The following OR51E1 variants were observed in gnomAD, a reference collection of about 807,000 sequenced individuals.
The protein encoded by OR51E1 is olfactory receptor family 51 subfamily E member 1, also known as olfactory receptor 51E1.
In OR51E1, 9 loss-of-function variants were observed where a neutral mutation model predicts 11.5. The observed-to-expected ratio is 0.78, with a 90% confidence interval of 0.47 to 1.37. The LOEUF is 1.37. OR51E1 is among the 40% of genes most tolerant of loss of function. The pLI is 0.00. For missense variants in OR51E1, 397 were observed against 410.2 expected (o/e 0.97, Z 0.28); for synonymous variants, 168 against 158.3 (o/e 1.06, Z -0.46).
At chr11:4,652,301 A>G (rs1823385659) in intron 1 of OR51E1, among the ~76,000 whole-genome samples, 187 bp from the exon 2 acceptor site, 1 of 152,190 alleles carries the variant, frequency 6.6e-6, no homozygotes, top group Admixed American at 6.5e-5. Context: ...AGTAAGTAGG[A>G]CTGGATGAAT....
At position 4,653,183 on chromosome 11, in the gene OR51E1, C is replaced by G; in HGVS notation, c.657C>G (p.Phe219Leu). 1.2e-6 allele frequency: 2 copies of G among 1,614,126 alleles called. No homozygotes were observed. Among genetic ancestry groups the G allele is most frequent in the Non-Finnish European group, 1.7e-6 (2 of 1,180,002 alleles). Residue 219 changes from phenylalanine (F) to leucine (L), a missense_variant, in exon 2 of 2, where the codon TTC (phenylalanine) becomes TTG (leucine). Transcript: ENST00000396952. The part of the protein sequence containing the change: ...AIGLDSLLIS[F>L]SYLLILKTVL... The stretch of plus-strand genomic sequence containing the variant: ...GCCTGGACTCACTTCTCATCTCCTT[C>G]TCATATCTGCTTATTCTTAAGACTG...
Position 4,652,557 on chromosome 11 carries a change from A to G in OR51E1, c.31A>G (p.Ser11Gly). 6.2e-7 allele frequency: 1 copy of G among 1,613,818 alleles called. No homozygotes were observed. Among genetic ancestry groups the G allele is most frequent in the East Asian group, 2.2e-5 (1 of 44,878 alleles). ...GGTGGATCCCAATGGCAATGAATCC[A>G]GTGCTACATACTTCATCCTAATAGG... MMVDPNGNES[S>G]ATYFILIGLP... is the part of the protein sequence containing the mutation. Residue 11 changes from serine (S) to glycine (G), a missense_variant, in exon 2 of 2, where the codon AGT becomes GGT. Physicochemically the swap from Ser to Gly is moderately conservative, Grantham distance 56. Transcript: ENST00000396952.
intron 1 of OR51E1, among the ~76,000 whole-genome samples, chr11:4,650,594 T>G (rs1441110798): frequency 6.6e-6 from 1 of 152,168 alleles, no homozygotes; most frequent in Non-Finnish European, 1.5e-5. Flanking sequence ...GGTGACCGCT[T>G]GATGCTGGTA....
intron 1 of OR51E1, among the ~76,000 whole-genome samples, chr11:4,650,083 G>C (rs1450702826): frequency 6.6e-6 from 1 of 152,182 alleles, no homozygotes; most frequent in Non-Finnish European, 1.5e-5. Flanking sequence ...GTAGTTGAAA[G>C]ACAATTAGGT....
intron 1 of OR51E1, among the ~76,000 whole-genome samples, chr11:4,648,995 T>C (rs929120836): frequency 9.9e-5 from 15 of 152,214 alleles, no homozygotes; most frequent in African/African-American, 3.6e-4. Context: ...CAAAAGTCTC[T>C]CTAGTACAGA....
chr11:4,644,085 G>T (rs1262931409), intron 1 of OR51E1, 55 bp downstream of exon 1: 2 of 152,836 alleles, frequency 1.3e-5, no homozygotes, highest in Non-Finnish European at 1.5e-5. Context: ...TGCAGCTAGG[G>T]GTCTCCTGTT....
rs1243603551 is a variant in OR51E1, at chr11:4,653,358, T to A, written c.832T>A (p.Leu278Met). ...GCGTGACTCTCCGCTGCCCGTCATC[T>A]TGGCCAATATCTATCTGCTGGTTCC... is the stretch of plus-strand genomic sequence containing the variant. ...KRRDSPLPVI[L>M]ANIYLLVPPV... The change falls in exon 2 of 2, where the codon TTG becomes ATG. Residue 278 changes from leucine (L) to methionine (M), a missense_variant. Physicochemically the swap from Leu to Met is conservative, Grantham distance 15. Coordinates refer to ENST00000396952, the MANE Select transcript of OR51E1 (RefSeq NM_152430.4). 6.2e-7 allele frequency: 1 copy of A among 1,614,130 alleles called. No homozygotes were observed. Among genetic ancestry groups the A allele is most frequent in the Non-Finnish European group, 8.5e-7 (1 of 1,179,950 alleles).
Position 4,653,574 on chromosome 11 carries a change from T to G in OR51E1, c.*91T>G, listed in dbSNP as rs140203961. The G allele has an allele frequency of 2.3e-5, 18 of 779,304 alleles. No homozygotes were observed. Among genetic ancestry groups the G allele is most frequent in the Admixed American group, 5.5e-5 (2 of 36,430 alleles). 48.3% of individuals were successfully genotyped at this position (779,304 alleles called of 1,614,324 possible). A position where few individuals can be genotyped will look rare whatever the true frequency, so the allele number is the denominator to read the frequency against. The stretch of plus-strand genomic sequence containing the variant: ...GGAAGACAGTATTCAGAAAAAAAAT[T>G]TCCTTAATAAAAATACAACTCAGAT... On this transcript the variant is annotated 3_prime_UTR_variant, in exon 2 of 2. Transcript: ENST00000396952.
chr11:4,648,639 G>A (rs1296125691), intron 1 of OR51E1, among the ~76,000 whole-genome samples: 1 of 152,162 alleles, frequency 6.6e-6, no homozygotes, highest in Non-Finnish European at 1.5e-5. Flanking sequence ...TCCTAAGACA[G>A]CACATTTTTT....
Position 4,654,054 on chromosome 11 carries a change from C to T in OR51E1, c.*571C>T, listed in dbSNP as rs1847139262. The T allele has an allele frequency of 6.0e-6, 1 of 166,694 alleles. No homozygotes were observed. Among genetic ancestry groups the T allele is most frequent in the Admixed American group, 6.5e-5 (1 of 15,282 alleles). 10.3% of individuals were successfully genotyped at this position (166,694 alleles called of 1,614,324 possible). A position where few individuals can be genotyped will look rare whatever the true frequency, so the allele number is the denominator to read the frequency against. On this transcript the variant is annotated 3_prime_UTR_variant, in exon 2 of 2. Coordinates refer to ENST00000396952, the MANE Select transcript of OR51E1 (RefSeq NM_152430.4). ...ACCTACGTTAATGAAAGTTGACACA[C>T]TGTTCTGAGAGTTTTCACAGCATAT...
At chr11:4,646,386 A>G (rs759568858) in intron 1 of OR51E1, among the ~76,000 whole-genome samples, 1 of 152,124 alleles carries the variant, frequency 6.6e-6, no homozygotes, top group African/African-American at 2.4e-5. Context: ...TTCCTGAGAG[A>G]TTAATATTGA....
In OR51E1 at chr11:4,655,388, G is replaced by A. The variant is rs1847157585; in HGVS notation, c.*1905G>A. 1 of 167,038 alleles carries A rather than the reference G, an allele frequency of 6.0e-6. No homozygotes were observed. The highest frequency in any genetic ancestry group is 6.5e-5 in the Admixed American group (1 of 15,278). 10.3% of individuals were successfully genotyped at this position (167,038 alleles called of 1,614,324 possible). ...AGAAGCCTGGATTTCTGAAAAAACT[G>A]TGCAGAGCCAAACCTCTGTCATTTG... On this transcript the variant is annotated 3_prime_UTR_variant, in exon 2 of 2. Transcript: ENST00000396952.
At chr11:4,649,827 A>G (rs1847072425) in intron 1 of OR51E1, among the ~76,000 whole-genome samples, 1 of 152,206 alleles carries the variant, frequency 6.6e-6, no homozygotes, top group Non-Finnish European at 1.5e-5. Context: ...TATTGTGTTA[A>G]GTGCTTTACA....
rs879201403 is a variant in OR51E1 at position 4,654,220 on chromosome 11, TA to T, written c.*747del. ...AATGGGGTCATACAAGTATAAAAAT[TA>T]AAAAAAAAAGACTTCATGCCCAATC... On this transcript the variant is annotated 3_prime_UTR_variant, in exon 2 of 2. Transcript: ENST00000396952. 32 of 162,300 alleles carry T rather than the reference TA, an allele frequency of 2.0e-4. No individual in the cohort carries two copies. The highest frequency in any genetic ancestry group is 6.7e-5 in the Admixed American group (1 of 14,976). The allele number at this position is 162,300 out of a possible 1,614,324, so 10.1% of individuals were successfully genotyped here.
intron 1 of OR51E1, among the ~76,000 whole-genome samples, chr11:4,649,257 A>G: frequency 6.6e-6 from 1 of 152,240 alleles, no homozygotes; most frequent in East Asian, 1.9e-4. Context: ...ACAGAACAGT[A>G]AGCATTTAAT....
chr11:4,652,039 G>A (rs1216957695), intron 1 of OR51E1, among the ~76,000 whole-genome samples: 1 of 152,212 alleles, frequency 6.6e-6, no homozygotes, highest in East Asian at 1.9e-4. Context: ...TACTACTAGT[G>A]TTGTTACACT....
chr11:4,652,064 T>G (rs1162702816), intron 1 of OR51E1, among the ~76,000 whole-genome samples: 1 of 152,230 alleles, frequency 6.6e-6, no homozygotes, highest in Non-Finnish European at 1.5e-5. Context: ...CTGGAATTTT[T>G]TCTTAAAGAT....
At chr11:4,645,600 G>T (rs1847021876) in intron 1 of OR51E1, among the ~76,000 whole-genome samples, 1 of 152,204 alleles carries the variant, frequency 6.6e-6, no homozygotes, top group African/African-American at 2.4e-5. Context: ...TGAGTACACT[G>T]ATCAAAATCC....
chr11:4,650,306 T>C (rs1404541243), intron 1 of OR51E1, among the ~76,000 whole-genome samples: 1 of 152,012 alleles, frequency 6.6e-6, no homozygotes, highest in African/African-American at 2.4e-5. Context: ...AACCAATAAT[T>C]AGTGATTAGA....
Sources: gnomAD v4.1 joint callset for allele counts (sites outside exome capture counted in the v4.1 genomes callset) on GRCh38, gnomAD v4.1.1 for gene constraint, MANE v1.5 for transcripts, NCBI Gene and HGNC (gene_info 2026-07-23, HGNC 2026-07-21) for gene names.